The following SGPP2 variants were observed in gnomAD, a reference collection of about 807,000 sequenced individuals.
The protein encoded by SGPP2 is sphingosine-1-phosphate phosphatase 2.
Under a neutral mutation model 33.9 loss-of-function variants are expected in SGPP2, and 30 were observed. That is an observed-to-expected ratio of 0.89 (90% confidence interval 0.66 to 1.20). SGPP2 has a LOEUF of 1.20. SGPP2 is among the 50% of genes most tolerant of loss of function. The pLI is 0.00. For synonymous variants in SGPP2, 233 were observed against 225.0 expected (o/e 1.04, Z -0.32); for missense variants, 458 against 532.1 (o/e 0.86, Z 1.37).
chr2:222,481,735 G>C (rs931744396), intron 2 of SGPP2, among the ~76,000 whole-genome samples: 2 of 152,132 alleles, frequency 1.3e-5, no homozygotes, highest in African/African-American at 4.8e-5. Context: ...GCATAAAAGA[G>C]CTTACTGTGG....
chr2:222,552,829 C>T (rs982138308), intron 4 of SGPP2, among the ~76,000 whole-genome samples: 4 of 152,164 alleles, frequency 2.6e-5, no homozygotes, highest in African/African-American at 9.7e-5. Context: ...CATTGCACTC[C>T]AGCCTGAGCA....
chr2:222,433,955 T>A (rs1235572009), intron 1 of SGPP2, among the ~76,000 whole-genome samples: 1 of 152,222 alleles, frequency 6.6e-6, no homozygotes, highest in African/African-American at 2.4e-5. Context: ...ACATTTGCAT[T>A]TTTCAAAAAG....
intron 2 of SGPP2, among the ~76,000 whole-genome samples, chr2:222,490,388 C>T (rs1280690199): frequency 6.6e-6 from 1 of 152,084 alleles, no homozygotes; most frequent in African/African-American, 2.4e-5. Flanking sequence ...CATTTACCAG[C>T]CTTTGCAATC....
At chr2:222,554,016 G>A (rs137993593) in intron 4 of SGPP2, among the ~76,000 whole-genome samples, 250 of 152,270 alleles carry the variant, frequency 1.6e-3, no homozygotes, top group African/African-American at 5.7e-3. Context: ...ACACAGTGAG[G>A]GTCCTGATCC....
chr2:222,497,250 CTTT>C (rs57363978), intron 2 of SGPP2, among the ~76,000 whole-genome samples: 32 of 118,568 alleles, frequency 2.7e-4, no homozygotes, highest in African/African-American at 8.8e-4. Context: ...TCTCTTTCTT[CTTT>C]TTTTTTTTTT....
intron 3 of SGPP2, 49 bp from the exon 4 acceptor site, chr2:222,524,895 T>G: frequency 7.1e-7 from 1 of 1,400,352 alleles, no homozygotes; most frequent in East Asian, 2.3e-5. Flanking sequence ...TCAAATCATG[T>G]ATGTCTGAGT....
At chr2:222,548,264 T>C (rs527457999) in intron 4 of SGPP2, among the ~76,000 whole-genome samples, 7 of 152,240 alleles carry the variant, frequency 4.6e-5, no homozygotes, top group Non-Finnish European at 4.4e-5. Context: ...TTTTACCTTC[T>C]GTCTATGTTT....
At chr2:222,553,892 C>T (rs1022780810) in intron 4 of SGPP2, among the ~76,000 whole-genome samples, 2 of 152,104 alleles carry the variant, frequency 1.3e-5, no homozygotes, top group African/African-American at 4.8e-5. Context: ...GTGTGAAGCT[C>T]ATTGCACCTG....
In SGPP2 at chr2:222,474,641, A is replaced by G. The variant is rs1697901017; in HGVS notation, c.293A>G (p.Gln98Arg). 1 of 1,613,932 alleles carries G rather than the reference A, an allele frequency of 6.2e-7. No individual in the cohort carries two copies. The highest frequency in any genetic ancestry group is 1.1e-5 in the South Asian group (1 of 91,080). Residue 98 changes from glutamine to arginine, a missense_variant, in exon 2 of 5, where the codon CAA becomes CGA. Physicochemically the swap from Gln to Arg is conservative, Grantham distance 43. Transcript: ENST00000321276. ...YLFQFSAALG[Q>R]EVFYITFLPF... ...TTCCAATTTTCAGCTGCTTTGGGCC[A>G]AGAAGTGTTCTACATCACGTTTCTT...
chr2:222,543,700 C>T (rs1025705573), intron 4 of SGPP2, among the ~76,000 whole-genome samples: 1 of 152,192 alleles, frequency 6.6e-6, no homozygotes, highest in African/African-American at 2.4e-5. Flanking sequence ...GTACTCTTCC[C>T]ATTAGTCTAT....
intron 4 of SGPP2, among the ~76,000 whole-genome samples, chr2:222,555,984 C>A (rs1229791299): frequency 6.6e-6 from 1 of 152,136 alleles, no homozygotes; most frequent in Non-Finnish European, 1.5e-5. Context: ...GATTGGCCTA[C>A]CTAGGTCATG....
chr2:222,532,274 CAAAAAAGAA>C (rs368183429), intron 4 of SGPP2, among the ~76,000 whole-genome samples: 12 of 143,768 alleles, frequency 8.3e-5, no homozygotes, highest in Non-Finnish European at 1.7e-4. Context: ...AACTCTGTCT[CAAAAAAGAA>C]AAAAAAGAAA....
intron 1 of SGPP2, among the ~76,000 whole-genome samples, chr2:222,464,667 A>G (rs1302804791): frequency 1.3e-5 from 2 of 152,110 alleles, no homozygotes; most frequent in South Asian, 2.1e-4. Flanking sequence ...AATTTTTTGT[A>G]GAGACAGGTC....
At position 222,547,122 on chromosome 2, in the gene SGPP2, C is replaced by A. The variant is rs544845633; in HGVS notation, c.649-11225C>A. Among the ~76,000 whole-genome samples, 14 of 152,302 alleles carry A rather than the reference C, an allele frequency of 9.2e-5. No homozygotes were observed. The East Asian group carries it at 2.7e-3, about 29-fold the overall frequency. On this transcript the variant is annotated intron_variant, in intron 4 of 4. Transcript: ENST00000321276. ...GTGACAATACCAATTAAATGTCAAC[C>A]TGCATGGGCCTGCTTAACAATTATA...
chr2:222,452,680 T>C, intron 1 of SGPP2: 1 of 1,380,596 alleles, frequency 7.2e-7, no homozygotes, highest in Admixed American at 1.7e-5. Flanking sequence ...ATGTTCAGGC[T>C]GTGGTTGCTG....
At chr2:222,531,180 T>A (rs992128096) in intron 4 of SGPP2, among the ~76,000 whole-genome samples, 2 of 152,106 alleles carry the variant, frequency 1.3e-5, no homozygotes, top group Non-Finnish European at 2.9e-5. Context: ...CACAGAGACA[T>A]AAAATGAGCT....
intron 1 of SGPP2, among the ~76,000 whole-genome samples, chr2:222,453,750 A>G (rs1366402796): frequency 6.6e-6 from 1 of 152,244 alleles, no homozygotes; most frequent in Non-Finnish European, 1.5e-5. Flanking sequence ...TGTTATAAGT[A>G]AGGCTTCCAG....
At chr2:222,500,884 C>T (rs1698356746) in intron 2 of SGPP2, among the ~76,000 whole-genome samples, 1 of 152,184 alleles carries the variant, frequency 6.6e-6, no homozygotes, top group Non-Finnish European at 1.5e-5. Flanking sequence ...ATGGTGCTTC[C>T]CCCTACGTGT....
At chr2:222,481,331 T>A (rs1698026769) in intron 2 of SGPP2, among the ~76,000 whole-genome samples, 1 of 152,264 alleles carries the variant, frequency 6.6e-6, no homozygotes, top group Admixed American at 6.5e-5. Context: ...TTTTTCATAC[T>A]TTTATTAATC....
Sources: allele counts gnomAD v4.1 joint callset (sites outside exome capture counted in the v4.1 genomes callset), GRCh38; gene constraint gnomAD v4.1.1; transcripts MANE v1.5; gene names NCBI Gene and HGNC (gene_info 2026-07-23, HGNC 2026-07-21).